THADA: variants seen among roughly 807,000 people sequenced by gnomAD.
THADA encodes the protein THADA armadillo repeat containing, also known as tRNA (32-2'-O)-methyltransferase regulator THADA.
A neutral mutation model predicts 219.8 loss-of-function variants in THADA; 213 were observed. The observed-to-expected ratio is 0.97, with a 90% CI of 0.87 to 1.09. THADA has a LOEUF of 1.09. THADA is among the 50% of genes least tolerant of loss of function. THADA has a pLI of 0.00. For synonymous variants in THADA, 1,018 were observed against 828.9 expected (o/e 1.23, Z -3.92); for missense variants, 2,956 against 2,311.3 (o/e 1.28, Z -5.72).
intron 30 of THADA, among the ~76,000 whole-genome samples, chr2:43,329,983 A>G (rs997568107): frequency 2.6e-5 from 4 of 152,100 alleles, no homozygotes; most frequent in African/African-American, 9.7e-5. Context: ...GGTCTCCTCT[A>G]TTTCACACCT....
intron 31 of THADA, among the ~76,000 whole-genome samples, chr2:43,314,371 C>A (rs1288944123): frequency 2.0e-5 from 3 of 152,074 alleles, no homozygotes; most frequent in African/African-American, 7.2e-5. Flanking sequence ...GCTCATAAAA[C>A]CCAACAAGAG....
At chr2:43,315,879 C>T (rs1021919834) in intron 31 of THADA, among the ~76,000 whole-genome samples, 1 of 152,202 alleles carries the variant, frequency 6.6e-6, no homozygotes, top group African/African-American at 2.4e-5. Context: ...ACCACACAGT[C>T]CTACTCTCTG....
Position 43,270,412 on chromosome 2 carries a change from T to C in THADA, c.5296+9353A>G, listed in dbSNP as rs546528321. Among the ~76,000 whole-genome samples, 12 of 152,300 alleles carry C rather than the reference T, an allele frequency of 7.9e-5. No individual in the cohort carries two copies. The East Asian group carries it at 2.3e-3, about 29-fold the overall frequency. On this transcript the variant is annotated intron_variant, in intron 36 of 37. Transcript: ENST00000405975. ...CCTTTCCCCAGGGCACACTCTGGTA[T>C]CTCAGCTCTGGTCCCCAACCCATTT...
At chr2:43,232,352 G>C (rs1667540386) in intron 37 of THADA, among the ~76,000 whole-genome samples, 1 of 151,968 alleles carries the variant, frequency 6.6e-6, no homozygotes, top group Admixed American at 6.6e-5. Flanking sequence ...CTAATTTTTT[G>C]TATTTTTAGT....
intron 29 of THADA, among the ~76,000 whole-genome samples, chr2:43,355,536 T>C (rs1231659094): frequency 1.3e-5 from 2 of 152,244 alleles, no homozygotes; most frequent in Non-Finnish European, 2.9e-5. Context: ...TTTGCTTTTG[T>C]AGACTGACCT....
intron 21 of THADA, among the ~76,000 whole-genome samples, chr2:43,530,654 T>C (rs1211132002): frequency 6.6e-6 from 1 of 152,240 alleles, no homozygotes; most frequent in Non-Finnish European, 1.5e-5. Context: ...CAGGAAAACA[T>C]AAACTTTGTC....
At chr2:43,413,299 C>T (rs994548169) in intron 28 of THADA, among the ~76,000 whole-genome samples, 2 of 152,010 alleles carry the variant, frequency 1.3e-5, no homozygotes, top group African/African-American at 4.8e-5. Context: ...GAGAAAAACA[C>T]AACAGTCTAG....
intron 29 of THADA, among the ~76,000 whole-genome samples, chr2:43,365,291 G>A (rs540466808): frequency 5.3e-5 from 8 of 152,028 alleles, no homozygotes; most frequent in African/African-American, 1.9e-4. Context: ...AAGAATATAC[G>A]CAGATTCGGT....
chr2:43,506,625 T>C lies in THADA; in HGVS notation c.3508-890A>G, dbSNP rs111799758. Among the ~76,000 whole-genome samples the C allele has an allele frequency of 1.4e-3, 206 of 152,292 alleles. 1 individual carries two copies. The highest frequency in any genetic ancestry group is 4.7e-3 in the African/African-American group (196 of 41,578). ...CTGCTAATGAGTATGGGAGGTTTCA[T>C]GGGTTGATGTTCTAAAACTAAATAA... On this transcript the variant is annotated intron_variant, in intron 23 of 37. Transcript: ENST00000405975.
chr2:43,357,167 A>C (rs1668959065), intron 29 of THADA, among the ~76,000 whole-genome samples: 1 of 152,240 alleles, frequency 6.6e-6, no homozygotes, highest in Non-Finnish European at 1.5e-5. Flanking sequence ...GATGAAATCC[A>C]AATAGCCAAT....
rs1252825977 is a variant in THADA, at chr2:43,300,233, T to C, written c.4439-7020A>G. ...TCACTGCAACCTCCGCCTCCCGGGTTCAAGCAATTCTCCTGCCTCAGCCTC... is the reference window on the plus strand; with the variant it reads ...TCACTGCAACCTCCGCCTCCCGGGTCCAAGCAATTCTCCTGCCTCAGCCTC... On this transcript the variant is annotated intron_variant, in intron 31 of 37. Transcript: ENST00000405975. 2.0e-5 allele frequency among the ~76,000 whole-genome samples: 3 copies of C among 151,846 alleles called. No homozygotes were observed. In the East Asian group the frequency reaches 5.9e-4, roughly 30 times the overall value.
intron 30 of THADA, among the ~76,000 whole-genome samples, chr2:43,334,636 G>C (rs922949382): frequency 1.1e-4 from 17 of 152,018 alleles, no homozygotes; most frequent in Non-Finnish European, 2.4e-4. Context: ...TTAGCCAGGC[G>C]TGGTGGCGGG....
intron 29 of THADA, among the ~76,000 whole-genome samples, chr2:43,382,071 C>T (rs1360377821): frequency 6.6e-6 from 1 of 152,142 alleles, no homozygotes; most frequent in Non-Finnish European, 1.5e-5. Context: ...GTTCTCAAAA[C>T]TGTTAACACC....
At chr2:43,426,560 G>A (rs916013922) in intron 28 of THADA, among the ~76,000 whole-genome samples, 15 of 152,124 alleles carry the variant, frequency 9.9e-5, no homozygotes, top group Admixed American at 2.0e-4. Context: ...GAAGGAGACT[G>A]GTAACTTTGT....
chr2:43,522,830 A>G (rs753871761), intron 22 of THADA, among the ~76,000 whole-genome samples: 1 of 152,142 alleles, frequency 6.6e-6, no homozygotes, highest in African/African-American at 2.4e-5. Context: ...AGGGAAATTA[A>G]AAGGATTTTT....
At chr2:43,426,359 G>C (rs1032674510) in intron 28 of THADA, among the ~76,000 whole-genome samples, 2 of 152,206 alleles carry the variant, frequency 1.3e-5, no homozygotes, top group Admixed American at 1.3e-4. Flanking sequence ...TTAAGACAGA[G>C]CACAGGTTCT....
intron 26 of THADA, among the ~76,000 whole-genome samples, chr2:43,457,646 A>G (rs556985306): frequency 6.6e-6 from 1 of 152,330 alleles, no homozygotes; most frequent in South Asian, 2.1e-4. Flanking sequence ...GGTGTTTCAT[A>G]GGTCAGAGGA....
chr2:43,325,908 A>G (rs1195133510), intron 30 of THADA, among the ~76,000 whole-genome samples: 1 of 152,202 alleles, frequency 6.6e-6, no homozygotes, highest in African/African-American at 2.4e-5. Flanking sequence ...GCTACCCTAC[A>G]TTATACTGAA....
At chr2:43,276,609 A>C (rs1672751968) in intron 36 of THADA, among the ~76,000 whole-genome samples, 1 of 152,206 alleles carries the variant, frequency 6.6e-6, no homozygotes, top group Admixed American at 6.5e-5. Context: ...GTTAAGGAGC[A>C]CTGGAGATCC....
Sources: gnomAD v4.1 joint callset for allele counts (sites outside exome capture counted in the v4.1 genomes callset) on GRCh38, gnomAD v4.1.1 for gene constraint, MANE v1.5 for transcripts, NCBI Gene and HGNC (gene_info 2026-07-23, HGNC 2026-07-21) for gene names.